Variants in SEC24B observed in about 807,000 individuals in gnomAD.
SEC24B encodes protein transport protein Sec24B.
Under a neutral mutation model 142.8 loss-of-function variants are expected in SEC24B, and 45 were observed. That is an observed-to-expected ratio of 0.32 (90% CI 0.25 to 0.40). SEC24B has a LOEUF of 0.40. Ranked by LOEUF, SEC24B falls within the 10% of genes least tolerant of loss-of-function variation. SEC24B has a pLI of 1.00. For synonymous variants in SEC24B, 574 were observed against 568.2 expected, an observed-to-expected ratio of 1.01 and a Z score of -0.15; for missense variants, 1,409 against 1,526.8, an observed-to-expected ratio of 0.92 and a Z score of 1.29.
chr4:109,443,953 T>G (rs1204287621), intron 1 of SEC24B, among the ~76,000 whole-genome samples: 4 of 152,098 alleles, frequency 2.6e-5, no homozygotes, highest in Non-Finnish European at 5.9e-5. Context: ...CCCGGTGTGG[T>G]GGCTCATGCC....
chr4:109,530,177 C>A, intron 18 of SEC24B, 112 bp from the exon 19 acceptor site: 1 of 846,018 alleles, frequency 1.2e-6, no homozygotes, highest in Non-Finnish European at 1.7e-6. Flanking sequence ...ATTTTTCCAT[C>A]CTAAAAACTT....
At chr4:109,450,395 C>G (rs575084744) in intron 1 of SEC24B, among the ~76,000 whole-genome samples, 19 of 152,186 alleles carry the variant, frequency 1.2e-4, no homozygotes, top group African/African-American at 4.3e-4. Flanking sequence ...CGCGGTGGCT[C>G]ACACCTATAA....
intron 1 of SEC24B, among the ~76,000 whole-genome samples, chr4:109,444,449 A>G (rs1232445042): frequency 6.7e-6 from 1 of 149,168 alleles, no homozygotes; most frequent in Non-Finnish European, 1.5e-5. Context: ...ATCGTATTTC[A>G]TATGCCCTAA....
intron 1 of SEC24B, among the ~76,000 whole-genome samples, chr4:109,462,160 C>T (rs188744337): frequency 4.2e-4 from 64 of 152,190 alleles, no homozygotes; most frequent in Non-Finnish European, 7.1e-4. Context: ...CATGCCATCG[C>T]GCTCTATAGC....
intron 4 of SEC24B, among the ~76,000 whole-genome samples, chr4:109,488,240 TTCA>T (rs1278442770): frequency 1.3e-5 from 2 of 152,124 alleles, no homozygotes; most frequent in Non-Finnish European, 2.9e-5. Context: ...AAATAGAAAC[TTCA>T]TATGTTTTAG....
chr4:109,494,136 G>A (rs1343095197), intron 5 of SEC24B, among the ~76,000 whole-genome samples: 1 of 152,034 alleles, frequency 6.6e-6, no homozygotes, highest in South Asian at 2.1e-4. Context: ...GTGTGCGTTT[G>A]TGTGTATTAT....
chr4:109,513,026 G>C (rs1489779649), intron 9 of SEC24B, among the ~76,000 whole-genome samples: 1 of 146,940 alleles, frequency 6.8e-6, no homozygotes, highest in Admixed American at 6.9e-5. Context: ...CCAGGTTGGA[G>C]TGCAGTGGTG....
chr4:109,455,879 A>G (rs1056093737), intron 1 of SEC24B, among the ~76,000 whole-genome samples: 7 of 152,172 alleles, frequency 4.6e-5, no homozygotes, highest in African/African-American at 1.7e-4. Context: ...TTGTATTACT[A>G]TAGAAATTTT....
intron 10 of SEC24B, among the ~76,000 whole-genome samples, chr4:109,514,753 CTTG>C (rs1222729188): frequency 8.5e-5 from 13 of 152,126 alleles, no homozygotes; most frequent in Non-Finnish European, 1.5e-5. Context: ...AACTCTAATC[CTTG>C]TTGTCCGCAA....
chr4:109,481,969 T>C (rs1454540485), intron 4 of SEC24B, among the ~76,000 whole-genome samples, 188 bp downstream of exon 4: 1 of 152,256 alleles, frequency 6.6e-6, no homozygotes. Context: ...CCTTTAGGCA[T>C]CTTTGCCATA....
At chr4:109,531,279 T>A in intron 19 of SEC24B, 106 bp from the exon 20 acceptor site, 1 of 944,970 alleles carries the variant, frequency 1.1e-6, no homozygotes, top group Non-Finnish European at 1.6e-6. Context: ...TAGGTCTGTC[T>A]GATTTAAAGG....
chr4:109,522,272 C>CA (rs1305065373), intron 14 of SEC24B, among the ~76,000 whole-genome samples: 2 of 151,726 alleles, frequency 1.3e-5, no homozygotes, highest in East Asian at 2.0e-4. Flanking sequence ...AGGATGGTCT[C>CA]AATCTGCTGA....
At chr4:109,506,633 C>T in intron 7 of SEC24B, 121 bp downstream of exon 7, 1 of 726,272 alleles carries the variant, frequency 1.4e-6, no homozygotes, top group South Asian at 3.2e-5. Context: ...TGACTTTTCT[C>T]TTTTAGTTTG....
intron 9 of SEC24B, 79 bp from the exon 10 acceptor site, chr4:109,513,664 AATAG>A (rs1341480260): frequency 1.2e-5 from 9 of 765,864 alleles, no homozygotes; most frequent in African/African-American, 5.2e-5. Flanking sequence ...AAATATTGAT[AATAG>A]ATATTTATTT....
chr4:109,446,063 A>G (rs1336328523), intron 1 of SEC24B, among the ~76,000 whole-genome samples: 1 of 151,798 alleles, frequency 6.6e-6, no homozygotes, highest in African/African-American at 2.4e-5. Flanking sequence ...GTGAAATCAT[A>G]ATATAGTTGT....
intron 9 of SEC24B, 24 bp from the exon 10 acceptor site, chr4:109,513,723 T>A: frequency 7.4e-7 from 1 of 1,348,424 alleles, no homozygotes; most frequent in Non-Finnish European, 1.1e-6. Context: ...TGTCTCTAAA[T>A]TTGTACTGGG....
At chr4:109,458,471 C>T (rs1730924359) in intron 1 of SEC24B, among the ~76,000 whole-genome samples, 1 of 152,078 alleles carries the variant, frequency 6.6e-6, no homozygotes, top group Non-Finnish European at 1.5e-5. Flanking sequence ...AGACTTGACC[C>T]AACAATTGCA....
chr4:109,497,880 A>G (rs1282001147), intron 6 of SEC24B, among the ~76,000 whole-genome samples: 2 of 152,204 alleles, frequency 1.3e-5, no homozygotes, highest in Non-Finnish European at 2.9e-5. Context: ...ACAGTTTGCC[A>G]CAGTGATATT....
intron 6 of SEC24B, among the ~76,000 whole-genome samples, chr4:109,503,120 T>C (rs1736327650): frequency 1.3e-5 from 2 of 151,296 alleles, no homozygotes; most frequent in African/African-American, 4.9e-5. Flanking sequence ...ACTGCAGTGG[T>C]GCGATCTTGG....
Sources: allele counts gnomAD v4.1 joint callset (sites outside exome capture counted in the v4.1 genomes callset), GRCh38; gene constraint gnomAD v4.1.1; transcripts MANE v1.5; gene names NCBI Gene and HGNC (gene_info 2026-07-23, HGNC 2026-07-21).